Variants in SPMIP2 observed in about 807,000 individuals in gnomAD.
SPMIP2 encodes the protein sperm microtubule inner protein 2, also known as protein SPMIP2.
At chr4:159,001,180 G>A in the SPMIP2 span, among the ~76,000 whole-genome samples, 4 of 152,238 alleles carry the variant, frequency 2.6e-5, no homozygotes, top group African/African-American at 9.6e-5. Context: ...CTTAATTGGT[G>A]CATTCTAATA....
At chr4:159,070,548 G>A in the SPMIP2 span, among the ~76,000 whole-genome samples, 6 of 152,286 alleles carry the variant, frequency 3.9e-5, no homozygotes, top group Admixed American at 2.0e-4. Flanking sequence ...ATTTTCAAAT[G>A]TAAAGATACA....
chr4:158,920,959 G>A, the SPMIP2 span, among the ~76,000 whole-genome samples: 22 of 152,308 alleles, frequency 1.4e-4, no homozygotes, highest in African/African-American at 4.6e-4. Flanking sequence ...CGGTCCTACC[G>A]ATATGTGATG....
the SPMIP2 span, among the ~76,000 whole-genome samples, chr4:159,029,457 T>C: frequency 6.6e-6 from 1 of 152,212 alleles, no homozygotes; most frequent in African/African-American, 2.4e-5. Context: ...ATCAACTTTT[T>C]AAAAAGGTTT....
the SPMIP2 span, among the ~76,000 whole-genome samples, chr4:159,000,367 T>A: frequency 6.6e-6 from 1 of 152,318 alleles, no homozygotes; most frequent in East Asian, 1.9e-4. Context: ...TCTGTCATTT[T>A]TCCCATACCC....
chr4:158,915,558 C>A, the SPMIP2 span, among the ~76,000 whole-genome samples: 16 of 152,274 alleles, frequency 1.1e-4, no homozygotes, highest in Middle Eastern at 3.4e-3. Context: ...GCTAGAGATC[C>A]AAAGAACCAC....
At chr4:159,027,762 A>T in the SPMIP2 span, among the ~76,000 whole-genome samples, 1 of 152,252 alleles carries the variant, frequency 6.6e-6, no homozygotes, top group Non-Finnish European at 1.5e-5. Context: ...AGCAAAAAAT[A>T]AGATGAATAA....
At chr4:158,915,390 G>GAAAAGAGC in the SPMIP2 span, 3 of 1,558,720 alleles carry the variant, frequency 1.9e-6, no homozygotes, top group African/African-American at 4.1e-5. Flanking sequence ...TTCTGAAATG[G>GAAAAGAGC]AAAAGAGCTA....
the SPMIP2 span, among the ~76,000 whole-genome samples, chr4:158,983,149 T>C: frequency 6.6e-6 from 1 of 151,810 alleles, no homozygotes; most frequent in African/African-American, 2.4e-5. Flanking sequence ...CTCCAAGAAA[T>C]ATGGGACTAT....
At chr4:159,012,775 G>C in the SPMIP2 span, among the ~76,000 whole-genome samples, 1 of 151,662 alleles carries the variant, frequency 6.6e-6, no homozygotes, top group Admixed American at 6.6e-5. Flanking sequence ...GTTTCACTAT[G>C]TTCCTCAGGG....
the SPMIP2 span, chr4:159,007,568 T>A: frequency 9.1e-7 from 1 of 1,098,274 alleles, no homozygotes; most frequent in African/African-American, 1.6e-5. Flanking sequence ...AGAGGGTGAA[T>A]GCCGTCAAAA....
At chr4:159,081,263 T>A in the SPMIP2 span, among the ~76,000 whole-genome samples, 1 of 152,100 alleles carries the variant, frequency 6.6e-6, no homozygotes, top group East Asian at 1.9e-4. Flanking sequence ...GGTCTTGAAC[T>A]CCTGACCTCA....
At chr4:158,916,532 G>A in the SPMIP2 span, among the ~76,000 whole-genome samples, 2 of 152,290 alleles carry the variant, frequency 1.3e-5, no homozygotes, top group African/African-American at 4.8e-5. Context: ...CATCATCCTA[G>A]AATAAAGTCT....
At chr4:158,917,397 A>G in the SPMIP2 span, among the ~76,000 whole-genome samples, 1 of 152,022 alleles carries the variant, frequency 6.6e-6, no homozygotes, top group African/African-American at 2.4e-5. Context: ...ACTGCACTCC[A>G]GCCTGGGTGA....
chr4:159,013,283 C>T, the SPMIP2 span, among the ~76,000 whole-genome samples: 1 of 152,180 alleles, frequency 6.6e-6, no homozygotes, highest in Admixed American at 6.5e-5. Context: ...TTTGTACACA[C>T]ATGTTAATAG....
the SPMIP2 span, among the ~76,000 whole-genome samples, chr4:158,908,362 C>T: frequency 1.3e-5 from 2 of 152,076 alleles, no homozygotes; most frequent in African/African-American, 4.8e-5. Context: ...CTAAAAAAGC[C>T]TGTTTATAAT....
At chr4:158,981,934 G>T in the SPMIP2 span, among the ~76,000 whole-genome samples, 1 of 151,260 alleles carries the variant, frequency 6.6e-6, no homozygotes, top group African/African-American at 2.4e-5. Context: ...AGACTGGAAA[G>T]CTGGATAAAG....
At chr4:158,997,254 A>C in the SPMIP2 span, among the ~76,000 whole-genome samples, 1 of 135,092 alleles carries the variant, frequency 7.4e-6, no homozygotes, top group Non-Finnish European at 1.6e-5. Flanking sequence ...TTTTGAGATG[A>C]AGCTTCGCTC....
chr4:158,913,847 A>T, the SPMIP2 span, among the ~76,000 whole-genome samples: 6,838 of 136,250 alleles, frequency 0.05, 395 homozygotes, highest in African/African-American at 0.16. Context: ...CCCATATCTT[A>T]AAAAAAAAAA....
the SPMIP2 span, among the ~76,000 whole-genome samples, chr4:159,076,868 C>T: frequency 7.9e-5 from 12 of 151,084 alleles, no homozygotes; most frequent in East Asian, 2.0e-4. Context: ...GATGGAGTCT[C>T]GCTCTTGCCC....
Sources: allele counts gnomAD v4.1 joint callset (sites outside exome capture counted in the v4.1 genomes callset), GRCh38; gene constraint gnomAD v4.1.1; transcripts MANE v1.5; gene names NCBI Gene and HGNC (gene_info 2026-07-23, HGNC 2026-07-21).